The following FYN variants were observed in gnomAD, a reference collection of about 807,000 sequenced individuals.
The protein encoded by FYN is tyrosine-protein kinase Fyn.
Under a neutral mutation model 70.2 loss-of-function variants are expected in FYN, and 10 were observed. The observed-to-expected ratio is 0.14, with a 90% CI of 0.09 to 0.24. The LOEUF is 0.24. Among genes scored for constraint, FYN ranks in the 10% least tolerant of loss-of-function variants. The pLI is 1.00. For synonymous variants in FYN, 236 were observed against 248.6 expected, an observed-to-expected ratio of 0.95 and a Z score of 0.48; for missense variants, 319 against 673.1, an observed-to-expected ratio of 0.47 and a Z score of 5.82.
chr6:111,820,904 A>G (rs543300802), intron 2 of FYN, among the ~76,000 whole-genome samples: 4 of 152,282 alleles, frequency 2.6e-5, no homozygotes, highest in Admixed American at 2.6e-4. Flanking sequence ...ATTTATGTTA[A>G]ACAACAACAA....
chr6:111,678,632 C>G (rs573255960), intron 12 of FYN, among the ~76,000 whole-genome samples: 1 of 152,170 alleles, frequency 6.6e-6, no homozygotes, highest in Non-Finnish European at 1.5e-5. Context: ...TCTCAATTGT[C>G]TCTCCATGAA....
At chr6:111,707,846 C>T (rs1452265794) in intron 6 of FYN, 76 bp downstream of exon 6, 2 of 1,143,674 alleles carry the variant, frequency 1.7e-6, no homozygotes, top group Non-Finnish European at 2.6e-6. Context: ...TCCCTCCTGC[C>T]CAATGCTGAT....
At chr6:111,757,965 G>A (rs977607219) in intron 3 of FYN, among the ~76,000 whole-genome samples, 3 of 151,988 alleles carry the variant, frequency 2.0e-5, no homozygotes, top group African/African-American at 4.8e-5. Context: ...TTTTAATGAA[G>A]TGACAAAAAA....
intron 13 of FYN, among the ~76,000 whole-genome samples, chr6:111,669,660 G>A (rs913768704): frequency 6.6e-6 from 1 of 152,234 alleles, no homozygotes; most frequent in South Asian, 2.1e-4. Flanking sequence ...ATCCATGTGT[G>A]AAGATGATGG....
intron 3 of FYN, chr6:111,754,552 C>T (rs943068147): frequency 2.6e-5 from 4 of 152,300 alleles, no homozygotes; most frequent in Admixed American, 6.5e-5. Context: ...AAATTTGTTG[C>T]TATGCGTTGT....
intron 3 of FYN, among the ~76,000 whole-genome samples, chr6:111,778,272 G>A (rs985891386): frequency 6.6e-6 from 1 of 152,172 alleles, no homozygotes; most frequent in Non-Finnish European, 1.5e-5. Flanking sequence ...GAATGAGGAA[G>A]GACAGTGTCT....
chr6:111,734,701 C>A (rs571604312), intron 3 of FYN, among the ~76,000 whole-genome samples: 19 of 152,200 alleles, frequency 1.2e-4, no homozygotes, highest in Non-Finnish European at 2.1e-4. Flanking sequence ...AACGACCCCC[C>A]CTACCCCAAA....
At chr6:111,690,033 C>T (rs1799242437) in intron 12 of FYN, among the ~76,000 whole-genome samples, 1 of 152,156 alleles carries the variant, frequency 6.6e-6, no homozygotes, top group Non-Finnish European at 1.5e-5. Context: ...ACTGAAAGCT[C>T]ATGAAGAAAA....
At chr6:111,845,843 G>A (rs1773510693) in intron 2 of FYN, among the ~76,000 whole-genome samples, 1 of 152,158 alleles carries the variant, frequency 6.6e-6, no homozygotes, top group Non-Finnish European at 1.5e-5. Context: ...CAAGGCACCT[G>A]GGGAGGCAGA....
intron 2 of FYN, among the ~76,000 whole-genome samples, chr6:111,807,900 G>A (rs1343822141): frequency 6.6e-6 from 1 of 152,094 alleles, no homozygotes; most frequent in Non-Finnish European, 1.5e-5. Context: ...ACAAGGTCAG[G>A]AGTTCAAGAC....
At position 111,688,654 on chromosome 6, in the gene FYN, T is replaced by C. The variant is rs376428421; in HGVS notation, c.1273+5721A>G. On this transcript the variant is annotated intron_variant, in intron 12 of 13. Coordinates refer to ENST00000354650, the MANE Select transcript of FYN (RefSeq NM_002037.5). ...TGTGTGTGCTCATGCAGCGTGTGTG[T>C]GCTCATGTGTGCTCATGTTGATGTG... is the stretch of plus-strand genomic sequence containing the variant. Among the ~76,000 whole-genome samples, 4 of 149,748 alleles carry C rather than the reference T, an allele frequency of 2.7e-5. No individual in the cohort carries two copies. The East Asian group carries it at 5.8e-4, about 22-fold the overall frequency.
chr6:111,690,628 G>A (rs914291398), intron 12 of FYN, among the ~76,000 whole-genome samples: 1 of 152,164 alleles, frequency 6.6e-6, no homozygotes, highest in Admixed American at 6.5e-5. Flanking sequence ...TATTGTACCA[G>A]ATATACCAAC....
At chr6:111,775,319 G>C (rs1770883773) in intron 3 of FYN, among the ~76,000 whole-genome samples, 1 of 152,184 alleles carries the variant, frequency 6.6e-6, no homozygotes, top group Non-Finnish European at 1.5e-5. Flanking sequence ...TTGTAGCAGA[G>C]GAGCAGGATG....
At chr6:111,849,863 G>A (rs899833506) in intron 1 of FYN, among the ~76,000 whole-genome samples, 3 of 152,096 alleles carry the variant, frequency 2.0e-5, no homozygotes, top group Non-Finnish European at 4.4e-5. Flanking sequence ...CCCCATGCAG[G>A]ACTAGATTTC....
chr6:111,784,970 G>A (rs1771310117), intron 2 of FYN, among the ~76,000 whole-genome samples: 1 of 152,218 alleles, frequency 6.6e-6, no homozygotes, highest in South Asian at 2.1e-4. Context: ...ACATAGAAGT[G>A]ACAGAGTCAA....
chr6:111,758,463 A>T (rs1045077775), intron 3 of FYN, among the ~76,000 whole-genome samples: 50 of 152,220 alleles, frequency 3.3e-4, no homozygotes, highest in African/African-American at 1.1e-3. Context: ...GACGTTATTT[A>T]AAAAAATCCA....
At chr6:111,860,206 G>A (rs1480056273) in intron 1 of FYN, among the ~76,000 whole-genome samples, 1 of 152,198 alleles carries the variant, frequency 6.6e-6, no homozygotes, top group Admixed American at 6.5e-5. Context: ...GCAGTCCCGG[G>A]AAACCAGTAA....
chr6:111,868,387 T>G (rs763902749), intron 1 of FYN, among the ~76,000 whole-genome samples: 6 of 152,176 alleles, frequency 3.9e-5, no homozygotes, highest in Non-Finnish European at 7.3e-5. Flanking sequence ...GACCTAATTG[T>G]GTACCACAGA....
chr6:111,710,909 G>C (rs1340576084), intron 5 of FYN, among the ~76,000 whole-genome samples: 1 of 152,172 alleles, frequency 6.6e-6, no homozygotes, highest in East Asian at 1.9e-4. Flanking sequence ...GTTTGCACTT[G>C]GTGAGATATT....
Sources: gnomAD v4.1 joint callset for allele counts (sites outside exome capture counted in the v4.1 genomes callset) on GRCh38, gnomAD v4.1.1 for gene constraint, MANE v1.5 for transcripts, NCBI Gene and HGNC (gene_info 2026-07-23, HGNC 2026-07-21) for gene names.